THAP1: variants seen among roughly 807,000 people sequenced by gnomAD.
THAP1 encodes the protein THAP domain containing 1, also known as THAP domain-containing protein 1.
A neutral mutation model predicts 18.2 loss-of-function variants in THAP1; 6 were observed. That is an observed-to-expected ratio of 0.33 (90% CI 0.18 to 0.65). THAP1 has a LOEUF of 0.65. Among genes scored for constraint, THAP1 ranks in the 30% least tolerant of loss-of-function variants. THAP1 has a pLI of 0.74. For synonymous variants in THAP1, 85 were observed against 90.5 expected, an observed-to-expected ratio of 0.94 and a Z score of 0.34; for missense variants, 176 against 253.0, an observed-to-expected ratio of 0.70 and a Z score of 2.06.
intron 1 of THAP1, chr8:42,842,364 CTATGCACAGGT>C: frequency 6.6e-6 from 1 of 152,340 alleles, no homozygotes; most frequent in East Asian, 1.9e-4. Context: ...AGAGCTTTCT[CTATGCACAGGT>C]AATGCCATAA....
chr8:42,843,126 G>A lies in THAP1; in HGVS notation c.-32C>T, dbSNP rs376416004. The stretch of plus-strand genomic sequence containing the variant: ...GGTCCTCAGGCACTTCACTTCTGCC[G>A]CCGCAGAAGGCAGGGGAAGCTGTTC... On this transcript the variant is annotated 5_prime_UTR_variant, in exon 1 of 3. Coordinates refer to ENST00000254250, the MANE Select transcript of THAP1 (RefSeq NM_018105.3). 3.7e-6 allele frequency: 6 copies of A among 1,612,040 alleles called. No individual in the cohort carries two copies. Among genetic ancestry groups the A allele is most frequent in the Non-Finnish European group, 4.2e-6 (5 of 1,178,544 alleles).
Position 42,837,847 on chromosome 8 carries a change from C to A in THAP1, c.*115G>T, listed in dbSNP as rs1204021597. The stretch of plus-strand genomic sequence containing the variant: ...ATAGAATTTTTTTTAAAAAAATATT[C>A]TGAACTGTTTTTATATAAGTAATCA... On this transcript the variant is annotated 3_prime_UTR_variant, in exon 3 of 3. Coordinates refer to ENST00000254250, the MANE Select transcript of THAP1 (RefSeq NM_018105.3). 2 of 1,150,984 alleles carry A rather than the reference C, an allele frequency of 1.7e-6. No homozygotes were observed. Among genetic ancestry groups the A allele is most frequent in the Admixed American group, 2.8e-5 (1 of 35,306 alleles). The allele number at this position is 1,150,984 out of a possible 1,614,324, so 71.3% of individuals were successfully genotyped here.
chr8:42,840,886 G>C (rs1802704048), intron 1 of THAP1, among the ~76,000 whole-genome samples: 1 of 146,396 alleles, frequency 6.8e-6, no homozygotes, highest in African/African-American at 2.5e-5. Flanking sequence ...AGAATCACTT[G>C]AACTCGGGAG....
At position 42,837,793 on chromosome 8, in the gene THAP1, AC is replaced by A; in HGVS notation, c.*168del. ...AAATGTAAAAAACCTGAAATTACAA[AC>A]AAAAAAATTTATAATTTTACAGTAT... On this transcript the variant is annotated 3_prime_UTR_variant, in exon 3 of 3. Coordinates refer to ENST00000254250, the MANE Select transcript of THAP1 (RefSeq NM_018105.3). The A allele has an allele frequency of 1.6e-6, 1 of 617,948 alleles. No homozygotes were observed. The highest frequency in any genetic ancestry group is 2.3e-6 in the Non-Finnish European group (1 of 430,134). 38.3% of individuals were successfully genotyped at this position (617,948 alleles called of 1,614,324 possible). A position where few individuals can be genotyped will look rare whatever the true frequency, so the allele number is the denominator to read the frequency against.
intron 1 of THAP1, among the ~76,000 whole-genome samples, chr8:42,840,275 G>T (rs760976865): frequency 6.6e-6 from 1 of 152,202 alleles, no homozygotes; most frequent in Non-Finnish European, 1.5e-5. Context: ...TTGCACATTT[G>T]TATCTGCGTA....
intron 1 of THAP1, among the ~76,000 whole-genome samples, chr8:42,840,553 C>T (rs914956305): frequency 3.4e-4 from 52 of 152,190 alleles, no homozygotes; most frequent in African/African-American, 1.2e-3. Context: ...CTTCCATGTA[C>T]GATATGCTAG....
At chr8:42,841,024 T>C (rs1223433376) in intron 1 of THAP1, among the ~76,000 whole-genome samples, 2 of 145,682 alleles carry the variant, frequency 1.4e-5, no homozygotes, top group South Asian at 2.2e-4. Context: ...TCTATAAGTA[T>C]AAACTAGGGT....
chr8:42,839,808 G>C (rs1167337880), intron 1 of THAP1, among the ~76,000 whole-genome samples: 1 of 152,192 alleles, frequency 6.6e-6, no homozygotes, highest in African/African-American at 2.4e-5. Context: ...GCCTCCCAAA[G>C]TGCTCGAATT....
chr8:42,842,978 C>T lies in THAP1; in HGVS notation c.71+46G>A. The T allele has an allele frequency of 2.0e-6, 3 of 1,524,814 alleles. No homozygotes were observed. The East Asian group carries it at 7.9e-5, about 40-fold the overall frequency. The allele number at this position is 1,524,814 out of a possible 1,614,324, so 94.5% of individuals were successfully genotyped here. ...CCCCCGGCCCCGCCGGCCGCGCGCC[C>T]CCACCCCGGCTGAGACCGGCCCCGC... On this transcript the variant is annotated intron_variant, in intron 1 of 2. Transcript: ENST00000254250.
chr8:42,839,409 T>C, intron 1 of THAP1, 28 bp from the exon 2 acceptor site: 5 of 1,612,598 alleles, frequency 3.1e-6, no homozygotes, highest in Non-Finnish European at 3.4e-6. Context: ...TTCAATTATC[T>C]GTCCTGATTT....
At position 42,843,128 on chromosome 8, in the gene THAP1, C is replaced by T. The variant is rs573112315; in HGVS notation, c.-34G>A. ...TCCTCAGGCACTTCACTTCTGCCGC[C>T]GCAGAAGGCAGGGGAAGCTGTTCTC... On this transcript the variant is annotated 5_prime_UTR_variant, in exon 1 of 3. Transcript: ENST00000254250. 4.3e-6 allele frequency: 7 copies of T among 1,610,628 alleles called. No individual in the cohort carries two copies. The highest frequency in any genetic ancestry group is 5.9e-6 in the Non-Finnish European group (7 of 1,177,198).
At position 42,838,483 on chromosome 8, in the gene THAP1, T is replaced by C. The variant is rs947346762; in HGVS notation, c.268-147A>G. 2.9e-6 allele frequency: 3 copies of C among 1,034,734 alleles called. No individual in the cohort carries two copies. The African/African-American group carries it at 4.8e-5, about 17-fold the overall frequency. The allele number at this position is 1,034,734 out of a possible 1,614,324, so 64.1% of individuals were successfully genotyped here. On this transcript the variant is annotated intron_variant, in intron 2 of 2. Coordinates refer to ENST00000254250, the MANE Select transcript of THAP1 (RefSeq NM_018105.3). ...GGGCGGATCACCTGAGGTCAGGAGT[T>C]TGAGACCAGCCTGGCCAACATGGTG... is the stretch of plus-strand genomic sequence containing the variant.
chr8:42,838,551 G>A (rs1432582397), intron 2 of THAP1, among the ~76,000 whole-genome samples: 1 of 152,068 alleles, frequency 6.6e-6, no homozygotes, highest in Admixed American at 6.6e-5. Context: ...GCCAGATGTG[G>A]TGGTGCACGC....
rs545891683 is a variant in THAP1 at position 42,838,547 on chromosome 8, T to C, written c.268-211A>G. On this transcript the variant is annotated intron_variant, in intron 2 of 2. Transcript: ENST00000254250. Reference sequence around the variant, plus strand: ...GCTAAAAATACAAAAATTAGCCAGATGTGGTGGTGCACGCCTATAATCCCA... The same window carrying C: ...GCTAAAAATACAAAAATTAGCCAGACGTGGTGGTGCACGCCTATAATCCCA... 1.5e-4 allele frequency among the ~76,000 whole-genome samples: 23 copies of C among 152,052 alleles called. No homozygotes were observed. The South Asian group carries it at 1.9e-3, about 12-fold the overall frequency.
intron 2 of THAP1, among the ~76,000 whole-genome samples, chr8:42,838,553 G>T (rs1802658202): frequency 6.6e-6 from 1 of 152,056 alleles, no homozygotes; most frequent in African/African-American, 2.4e-5. Context: ...CAGATGTGGT[G>T]GTGCACGCCT....
Position 42,838,286 on chromosome 8 carries a change from C to CTTA in THAP1, c.317_318insTAA (p.Pro106_Pro107insLys), listed in dbSNP as rs1563644436. 6.2e-7 allele frequency: 1 copy of CTTA among 1,613,948 alleles called. No homozygotes were observed. Among genetic ancestry groups the CTTA allele is most frequent in the South Asian group, 1.1e-5 (1 of 91,066 alleles). ...CAGCATCAACCTGGGAAACAGGAGG[C>CTTA]GGTAAAGGAGGTGGGGGAAGCTGTT... On this transcript the variant is annotated inframe_insertion, in exon 3 of 3. Transcript: ENST00000254250.
At chr8:42,842,236 G>A (rs1418713992) in intron 1 of THAP1, among the ~76,000 whole-genome samples, 1 of 152,148 alleles carries the variant, frequency 6.6e-6, no homozygotes, top group Non-Finnish European at 1.5e-5. Context: ...TTTATCATAA[G>A]TAATTACAAC....
At position 42,836,878 on chromosome 8, in the gene THAP1, ACAGTT is replaced by A. The variant is rs1475491308; in HGVS notation, c.*1079_*1083del. 1 of 152,294 alleles carries A rather than the reference ACAGTT, an allele frequency of 6.6e-6. No homozygotes were observed. Among genetic ancestry groups the A allele is most frequent in the East Asian group, 1.9e-4 (1 of 5,202 alleles). The allele number at this position is 152,294 out of a possible 1,614,324, so 9.4% of individuals were successfully genotyped here. Reference sequence around the variant, plus strand: ...AAATTTCTCACAAAGAACAGAACTCACAGTTTGAACAGAAACCTCAGTGTTTAAAT... The same window carrying A: ...AAATTTCTCACAAAGAACAGAACTCATGAACAGAAACCTCAGTGTTTAAAT... On this transcript the variant is annotated 3_prime_UTR_variant, in exon 3 of 3. Coordinates refer to ENST00000254250, the MANE Select transcript of THAP1 (RefSeq NM_018105.3).
rs1802673024 is a variant in THAP1, at chr8:42,839,298, C to T, written c.155G>A (p.Ser52Asn). Residue 52 changes from serine to asparagine, a missense_variant, in exon 2 of 3, where the codon AGT becomes AAT. Coordinates refer to ENST00000254250, the MANE Select transcript of THAP1 (RefSeq NM_018105.3). The part of the protein sequence containing the change: ...RKNFKPTKYS[S>N]ICSEHFTPDC... ...TGGAGTAAAGTGCTCTGAACAAATA[C>T]TGCTATACTTGGTGGGTTTAAAGTT... The T allele has an allele frequency of 6.2e-7, 1 of 1,613,984 alleles. No homozygotes were observed. Among genetic ancestry groups the T allele is most frequent in the African/African-American group, 1.3e-5 (1 of 74,924 alleles).
Sources: allele counts gnomAD v4.1 joint callset (sites outside exome capture counted in the v4.1 genomes callset), GRCh38; gene constraint gnomAD v4.1.1; transcripts MANE v1.5; gene names NCBI Gene and HGNC (gene_info 2026-07-23, HGNC 2026-07-21).